Variants in RNF150 observed in about 807,000 individuals in gnomAD.
The protein encoded by RNF150 is ring finger protein 150.
Under a neutral mutation model 39.3 loss-of-function variants are expected in RNF150, and 24 were observed. The ratio of observed to expected loss-of-function variants is 0.61; its 90% confidence interval spans 0.44 to 0.86. RNF150 has a LOEUF of 0.86. RNF150 is among the 40% of genes least tolerant of loss of function. The probability of loss-of-function intolerance (pLI) is 0.00; values close to 1 mark genes in which losing one functional copy is unlikely to be tolerated. For synonymous variants in RNF150, 255 were observed against 227.3 expected, an observed-to-expected ratio of 1.12 and a Z score of -1.10; for missense variants, 502 against 587.8, an observed-to-expected ratio of 0.85 and a Z score of 1.51.
Position 141,132,966 on chromosome 4 carries a change from C to A in RNF150, c.-158G>T. 1.7e-6 allele frequency: 1 copy of A among 587,652 alleles called. No homozygotes were observed. Among genetic ancestry groups the A allele is most frequent in the Non-Finnish European group, 2.9e-6 (1 of 347,414 alleles). 36.4% of individuals were successfully genotyped at this position (587,652 alleles called of 1,614,324 possible). On this transcript the variant is annotated 5_prime_UTR_variant, in exon 1 of 7. Transcript: ENST00000515673. This position sits in a 1 kb window ranked among gnomAD's most constrained non-coding sequence, Gnocchi z 4.9. ...CCGGGACGCGCAGCCGCCGCGGGGACCGGATTCCGGGCGAGCGGATGGCGC... is the reference window on the plus strand; with the variant it reads ...CCGGGACGCGCAGCCGCCGCGGGGAACGGATTCCGGGCGAGCGGATGGCGC...
chr4:141,080,072 T>C (rs1738091912), intron 1 of RNF150, among the ~76,000 whole-genome samples: 1 of 152,106 alleles, frequency 6.6e-6, no homozygotes, highest in African/African-American at 2.4e-5. Context: ...AAAATCCTAA[T>C]TCAAAAAAGA....
At chr4:141,015,917 C>A (rs1348832693) in intron 1 of RNF150, among the ~76,000 whole-genome samples, 1 of 151,968 alleles carries the variant, frequency 6.6e-6, no homozygotes. Flanking sequence ...GCCTGCGGAT[C>A]ATTGCTAGTT....
chr4:141,124,023 T>C (rs1361861467), intron 1 of RNF150, among the ~76,000 whole-genome samples: 2 of 152,204 alleles, frequency 1.3e-5, no homozygotes, highest in Non-Finnish European at 2.9e-5. Context: ...AGGACCTACA[T>C]GGCTAATATG....
intron 1 of RNF150, among the ~76,000 whole-genome samples, chr4:141,103,891 A>G (rs894127808): frequency 1.3e-5 from 2 of 152,202 alleles, no homozygotes. Context: ...CAAAAATTCA[A>G]AACACAAAAG....
At chr4:140,992,362 C>T (rs780355512) in intron 1 of RNF150, among the ~76,000 whole-genome samples, 5 of 151,732 alleles carry the variant, frequency 3.3e-5, no homozygotes, top group Non-Finnish European at 2.9e-5. Context: ...GAGTGAGATC[C>T]CATCTCTACA....
At chr4:141,011,078 T>C (rs1315368493) in intron 1 of RNF150, among the ~76,000 whole-genome samples, 3 of 152,092 alleles carry the variant, frequency 2.0e-5, no homozygotes, top group Non-Finnish European at 4.4e-5. Flanking sequence ...AATGATATTA[T>C]TAAACAAAAT....
At chr4:141,179,494 C>G (rs183700747) in intron 1 of RNF150, among the ~76,000 whole-genome samples, 46 of 152,316 alleles carry the variant, frequency 3.0e-4, no homozygotes, top group African/African-American at 9.4e-4. Flanking sequence ...GGTTTTGGGG[C>G]TTTGCACTGC....
At chr4:140,986,257 C>T (rs10222880) in intron 1 of RNF150, among the ~76,000 whole-genome samples, 24,276 of 151,924 alleles carry the variant, frequency 0.16, 2,452 homozygotes, top group South Asian at 0.36. Context: ...AACGGAAAGA[C>T]AGAATAAGGC....
intron 1 of RNF150, among the ~76,000 whole-genome samples, chr4:141,090,494 C>T (rs554479678): frequency 1.3e-5 from 2 of 152,140 alleles, no homozygotes; most frequent in Non-Finnish European, 2.9e-5. Context: ...CAAAGCCTAT[C>T]ATATAAGCAT....
At chr4:141,089,211 T>C (rs1226185354) in intron 1 of RNF150, among the ~76,000 whole-genome samples, 1 of 152,082 alleles carries the variant, frequency 6.6e-6, no homozygotes, top group Non-Finnish European at 1.5e-5. Flanking sequence ...TAATGAGCTC[T>C]TCCACCATGG....
intron 1 of RNF150, among the ~76,000 whole-genome samples, chr4:141,176,395 G>C (rs1727814832): frequency 6.6e-6 from 1 of 152,160 alleles, no homozygotes; most frequent in African/African-American, 2.4e-5. Flanking sequence ...CACATGGCTT[G>C]GTCCCTTGCA....
intron 1 of RNF150, among the ~76,000 whole-genome samples, chr4:141,142,596 G>A (rs1013333898): frequency 1.3e-5 from 2 of 152,146 alleles, no homozygotes; most frequent in Non-Finnish European, 2.9e-5. Context: ...GCCACTCACC[G>A]AAACTTCTGT....
At position 141,175,490 on chromosome 4, in the gene RNF150, G is replaced by A. The variant is rs200286442; in HGVS notation, c.-6+37304C>T. The stretch of plus-strand genomic sequence containing the variant: ...CAGGGTGATAGAGAGAGGGCTACCA[G>A]TGGTCGTAACATCCAAAGAAAAGTT... On this transcript the variant is annotated intron_variant, in intron 1 of 7. Transcript: ENST00000420921. Among the ~76,000 whole-genome samples, 15 of 152,336 alleles carry A rather than the reference G, an allele frequency of 9.8e-5. No homozygotes were observed. In the East Asian group the frequency reaches 2.9e-3, roughly 29 times the overall value.
intron 4 of RNF150, among the ~76,000 whole-genome samples, chr4:140,941,054 T>C (rs1464860890): frequency 1.3e-5 from 2 of 152,014 alleles, no homozygotes; most frequent in Non-Finnish European, 2.9e-5. Flanking sequence ...CAAAAATACA[T>C]TGTAAAAGCA....
intron 1 of RNF150, among the ~76,000 whole-genome samples, chr4:141,121,293 A>C (rs1227455179): frequency 6.6e-6 from 1 of 152,184 alleles, no homozygotes; most frequent in African/African-American, 2.4e-5. Context: ...TCAGACTGCT[A>C]TCTCAACCAT....
At chr4:140,923,520 G>T (rs543528314) in intron 5 of RNF150, among the ~76,000 whole-genome samples, 3,665 of 152,214 alleles carry the variant, frequency 0.024, 164 homozygotes, top group African/African-American at 0.082. Context: ...TACACTGTTG[G>T]TGGGACTGTA....
At chr4:141,106,433 T>C (rs1739210285) in intron 1 of RNF150, among the ~76,000 whole-genome samples, 1 of 152,200 alleles carries the variant, frequency 6.6e-6, no homozygotes, top group African/African-American at 2.4e-5. Context: ...GAGTCCTAGC[T>C]AGGCTAGCCA....
intron 1 of RNF150, among the ~76,000 whole-genome samples, chr4:141,090,664 G>C (rs1453506095): frequency 1.3e-5 from 2 of 152,196 alleles, no homozygotes; most frequent in Non-Finnish European, 2.9e-5. Context: ...CATGGCCTCA[G>C]ATGGCTACAG....
intron 1 of RNF150, among the ~76,000 whole-genome samples, chr4:141,145,601 A>G (rs4956520): frequency 0.32 from 48,330 of 152,110 alleles, 8,488 homozygotes; most frequent in East Asian, 0.8. Flanking sequence ...AGGCTCACCA[A>G]TGATTTACAG....
Sources: allele counts gnomAD v4.1 joint callset (sites outside exome capture counted in the v4.1 genomes callset), GRCh38; gene constraint gnomAD v4.1.1; non-coding constraint Gnocchi (gnomAD v3.1); transcripts MANE v1.5; gene names NCBI Gene and HGNC (gene_info 2026-07-23, HGNC 2026-07-21).